Variants in ZNF573 observed in about 807,000 individuals in gnomAD.
ZNF573 encodes zinc finger protein 573.
In ZNF573, 41 loss-of-function variants were observed where a neutral mutation model predicts 57.4. That is an observed-to-expected ratio of 0.71 (90% CI 0.56 to 0.93). The LOEUF (loss-of-function observed/expected upper bound fraction) is 0.93. Among genes scored for constraint, ZNF573 ranks in the 40% least tolerant of loss-of-function variants. The pLI is 0.00. For missense variants in ZNF573, 730 were observed against 794.8 expected (o/e 0.92, Z 0.98); for synonymous variants, 249 against 261.0 (o/e 0.95, Z 0.44).
In ZNF573 at chr19:37,738,631, C is replaced by T; in HGVS notation, c.1859G>A (p.Ser620Asn). Residue 620 changes from serine (S) to asparagine (N), a missense_variant, in exon 5 of 5, where the codon AGT becomes AAT. Coordinates refer to ENST00000536220, the MANE Select transcript of ZNF573 (RefSeq NM_001172690.2). ...YECKECGKAF[S>N]RASNLVQHER... Reference sequence around the variant, plus strand: ...ATGTTGAACAAGGTTTGAAGCACGACTGAAGGCCTTCCCACATTCTTTACA... The same window carrying T: ...ATGTTGAACAAGGTTTGAAGCACGATTGAAGGCCTTCCCACATTCTTTACA... 1 of 1,612,416 alleles carries T rather than the reference C, an allele frequency of 6.2e-7. No homozygotes were observed. The highest frequency in any genetic ancestry group is 8.5e-7 in the Non-Finnish European group (1 of 1,179,170).
chr19:37,777,178 TA>T (rs1263060924), intron 1 of ZNF573, among the ~76,000 whole-genome samples: 4 of 152,256 alleles, frequency 2.6e-5, no homozygotes, highest in African/African-American at 4.8e-5. Flanking sequence ...AAAATTATTT[TA>T]TTTTTTTTTC....
intron 4 of ZNF573, among the ~76,000 whole-genome samples, chr19:37,754,243 C>T (rs574741847): frequency 3.3e-5 from 5 of 152,094 alleles, no homozygotes; most frequent in South Asian, 2.1e-4. Flanking sequence ...AAAGAATGGC[C>T]GGGCACGGTG....
At chr19:37,741,213 CTG>C (rs2045324051) in intron 4 of ZNF573, among the ~76,000 whole-genome samples, 1 of 152,120 alleles carries the variant, frequency 6.6e-6, no homozygotes, top group South Asian at 2.1e-4. Context: ...CCTGCTAACT[CTG>C]TCTGTCTCTC....
At chr19:37,779,165 G>A (rs2045740166) in intron 1 of ZNF573, among the ~76,000 whole-genome samples, 1 of 152,112 alleles carries the variant, frequency 6.6e-6, no homozygotes, top group East Asian at 1.9e-4. Context: ...TACATGAAAA[G>A]GACAAGCACC....
intron 4 of ZNF573, among the ~76,000 whole-genome samples, chr19:37,756,412 C>T (rs773260667): frequency 9.9e-5 from 15 of 152,068 alleles, no homozygotes; most frequent in South Asian, 2.1e-4. Context: ...AACTCCTCAA[C>T]GGAGGTGCAT....
At position 37,769,986 on chromosome 19, in the gene ZNF573, T is replaced by C; in HGVS notation, c.295+19A>G. ...CATGGGCTGTGGCCGGCCCTGATGG[T>C]GTCCCCTGCCTTCCTTACCTGTGAA... On this transcript the variant is annotated intron_variant, in intron 4 of 4. Coordinates refer to ENST00000536220, the MANE Select transcript of ZNF573 (RefSeq NM_001172690.2). 1 of 1,545,614 alleles carries C rather than the reference T, an allele frequency of 6.5e-7. No individual in the cohort carries two copies. Among genetic ancestry groups the C allele is most frequent in the Non-Finnish European group, 8.8e-7 (1 of 1,141,778 alleles).
At chr19:37,776,567 G>A (rs1373810193) in intron 1 of ZNF573, among the ~76,000 whole-genome samples, 1 of 152,152 alleles carries the variant, frequency 6.6e-6, no homozygotes, top group Non-Finnish European at 1.5e-5. Flanking sequence ...TCTACACATT[G>A]GCTTAGGCAA....
chr19:37,755,736 A>G (rs1372238295), intron 4 of ZNF573, among the ~76,000 whole-genome samples: 2 of 152,180 alleles, frequency 1.3e-5, no homozygotes, highest in African/African-American at 4.8e-5. Flanking sequence ...ATCAGAAAGA[A>G]AATAAATTGA....
intron 4 of ZNF573, among the ~76,000 whole-genome samples, chr19:37,763,681 G>C (rs1173441288): frequency 1.3e-5 from 2 of 152,082 alleles, no homozygotes; most frequent in African/African-American, 4.8e-5. Context: ...ATTGGGAGGA[G>C]ACTGGGCATA....
At chr19:37,764,053 A>C (rs1204641617) in intron 4 of ZNF573, among the ~76,000 whole-genome samples, 1 of 136,544 alleles carries the variant, frequency 7.3e-6, no homozygotes, top group Non-Finnish European at 1.6e-5. Context: ...ACAAGAGCGA[A>C]ACTCTGCCTC....
At position 37,738,351 on chromosome 19, in the gene ZNF573, T is replaced by A. The variant is rs959509545; in HGVS notation, c.*141A>T. The stretch of plus-strand genomic sequence containing the variant: ...ATATTCCATTAAAACAGGACTGACA[T>A]TGAATGCTTTCTAATGTGGCAAGAT... On this transcript the variant is annotated 3_prime_UTR_variant, in exon 5 of 5. Coordinates refer to ENST00000536220, the MANE Select transcript of ZNF573 (RefSeq NM_001172690.2). The A allele has an allele frequency of 3.7e-6, 3 of 803,044 alleles. No homozygotes were observed. Among genetic ancestry groups the A allele is most frequent in the African/African-American group, 1.8e-5 (1 of 56,778 alleles). 49.7% of individuals were successfully genotyped at this position (803,044 alleles called of 1,614,324 possible).
chr19:37,753,793 C>T (rs2045461558), intron 4 of ZNF573, among the ~76,000 whole-genome samples: 1 of 152,094 alleles, frequency 6.6e-6, no homozygotes, highest in African/African-American at 2.4e-5. Context: ...GAGGAAATAT[C>T]CAGTGGGCAT....
intron 4 of ZNF573, among the ~76,000 whole-genome samples, chr19:37,746,901 C>G (rs1010567998): frequency 6.6e-6 from 1 of 152,060 alleles, no homozygotes; most frequent in African/African-American, 2.4e-5. Flanking sequence ...GTTTTTAAAT[C>G]CCATTCTCCA....
chr19:37,742,650 T>G (rs2145277574), intron 4 of ZNF573, among the ~76,000 whole-genome samples: 1 of 152,250 alleles, frequency 6.6e-6, no homozygotes, highest in Middle Eastern at 3.4e-3. Flanking sequence ...CTAGACCCCT[T>G]CCTTACACCT....
intron 4 of ZNF573, chr19:37,759,236 C>T: frequency 1.8e-6 from 1 of 555,468 alleles, no homozygotes; most frequent in East Asian, 1.5e-4. Flanking sequence ...TTCTTAATCT[C>T]TGACAAGAAC....
At chr19:37,768,142 T>C (rs910435026) in intron 4 of ZNF573, among the ~76,000 whole-genome samples, 12 of 152,198 alleles carry the variant, frequency 7.9e-5, no homozygotes, top group African/African-American at 2.4e-5. Flanking sequence ...TGTGGTGACA[T>C]GATTGTTTAA....
At chr19:37,745,372 T>C (rs1041078339) in intron 4 of ZNF573, among the ~76,000 whole-genome samples, 1 of 151,252 alleles carries the variant, frequency 6.6e-6, no homozygotes. Flanking sequence ...CGTGAGCCAC[T>C]GCATTCAGCC....
chr19:37,776,326 G>C (rs570753871), intron 1 of ZNF573, among the ~76,000 whole-genome samples: 25 of 152,214 alleles, frequency 1.6e-4, no homozygotes, highest in African/African-American at 5.8e-4. Flanking sequence ...CCAGAATAAA[G>C]CCAAATACTT....
chr19:37,764,535 G>A (rs1408134001), intron 4 of ZNF573, among the ~76,000 whole-genome samples: 1 of 151,200 alleles, frequency 6.6e-6, no homozygotes, highest in South Asian at 2.1e-4. Context: ...TGGCCAGAAT[G>A]GTCTCGATCT....
Sources: allele counts gnomAD v4.1 joint callset (sites outside exome capture counted in the v4.1 genomes callset), GRCh38; gene constraint gnomAD v4.1.1; transcripts MANE v1.5; gene names NCBI Gene and HGNC (gene_info 2026-07-23, HGNC 2026-07-21).